The following GSTA3 variants were observed in gnomAD, a reference collection of about 807,000 sequenced individuals.
The protein encoded by GSTA3 is glutathione S-transferase A3.
In GSTA3, 16 loss-of-function variants were observed where a neutral mutation model predicts 23.1. That is an observed-to-expected ratio of 0.69 (90% CI 0.47 to 1.05). GSTA3 has a LOEUF of 1.05. Ranked by LOEUF, GSTA3 falls within the 50% of genes least tolerant of loss-of-function variation. GSTA3 has a pLI of 0.00. For synonymous variants in GSTA3, 122 were observed against 91.0 expected, an observed-to-expected ratio of 1.34 and a Z score of -1.94; for missense variants, 319 against 263.6, an observed-to-expected ratio of 1.21 and a Z score of -1.46.
At chr6:52,902,033 C>T (rs1765702495) in intron 4 of GSTA3, among the ~76,000 whole-genome samples, 1 of 152,228 alleles carries the variant, frequency 6.6e-6, no homozygotes, top group Admixed American at 6.5e-5. Context: ...GGAGTCCAGC[C>T]TCTGAAGGCT....
chr6:52,898,122 ATG>A (rs1385522978), intron 5 of GSTA3, among the ~76,000 whole-genome samples, 166 bp from the exon 6 acceptor site: 2 of 152,178 alleles, frequency 1.3e-5, no homozygotes, highest in African/African-American at 4.8e-5. Context: ...GGGAGCAAGA[ATG>A]TGGCTCTGCT....
intron 3 of GSTA3, 90 bp from the exon 4 acceptor site, chr6:52,902,568 A>G: frequency 7.6e-7 from 1 of 1,320,934 alleles, no homozygotes; most frequent in Non-Finnish European, 1.0e-6. Flanking sequence ...GACTGAGGTT[A>G]TAAAATGAAA....
chr6:52,906,689 C>A (rs888968672), intron 1 of GSTA3, among the ~76,000 whole-genome samples: 2 of 151,602 alleles, frequency 1.3e-5, no homozygotes, highest in African/African-American at 4.9e-5. Context: ...CTTTGACAAA[C>A]CTGACAAAAA....
At position 52,897,888 on chromosome 6, in the gene GSTA3, C is replaced by T. The variant is rs368825997; in HGVS notation, c.483G>A (p.Val161=). ...NKLSRADISL[V]ELLYYVEELD... ...GCTCTTCCACATAGTAGAGAAGTTCCACCAGGCTAATGTCAGCCCGGCTCA... is the reference window on the plus strand; with the variant it reads ...GCTCTTCCACATAGTAGAGAAGTTCTACCAGGCTAATGTCAGCCCGGCTCA... The change falls in exon 6 of 7, where the codon GTG becomes GTA. Residue 161 remains valine, a synonymous_variant. Coordinates refer to ENST00000211122, the MANE Select transcript of GSTA3 (RefSeq NM_000847.5). The T allele has an allele frequency of 3.7e-6, 6 of 1,613,802 alleles. No homozygotes were observed. The African/African-American group carries it at 6.7e-5, about 18-fold the overall frequency.
chr6:52,906,932 G>A (rs943223647), intron 1 of GSTA3, among the ~76,000 whole-genome samples: 1 of 150,052 alleles, frequency 6.7e-6, no homozygotes, highest in East Asian at 2.0e-4. Context: ...AACACCAAAA[G>A]CAATGGCAAC....
At chr6:52,903,345 T>G (rs1048980823) in intron 3 of GSTA3, among the ~76,000 whole-genome samples, 5 of 149,698 alleles carry the variant, frequency 3.3e-5, no homozygotes, top group Non-Finnish European at 7.4e-5. Context: ...CCCAGCACTT[T>G]GGGAGGCCGA....
At chr6:52,899,902 A>T (rs1765606639) in intron 5 of GSTA3, 32 bp downstream of exon 5, 2 of 1,611,470 alleles carry the variant, frequency 1.2e-6, no homozygotes, top group African/African-American at 2.7e-5. Context: ...CTCTAAACTC[A>T]GTGCCCCAAA....
At chr6:52,900,269 T>C (rs541077913) in intron 4 of GSTA3, among the ~76,000 whole-genome samples, 194 bp from the exon 5 acceptor site, 21 of 150,512 alleles carry the variant, frequency 1.4e-4, no homozygotes, top group East Asian at 3.9e-4. Flanking sequence ...TTTTTCTTTT[T>C]TTTTTTTTTT....
Position 52,897,918 on chromosome 6 carries a change from G to A in GSTA3, c.453C>T (p.Asn151=), listed in dbSNP as rs750761624. The A allele has an allele frequency of 6.2e-7, 1 of 1,614,024 alleles. No individual in the cohort carries two copies. The highest frequency in any genetic ancestry group is 1.1e-5 in the South Asian group (1 of 91,078). The part of the protein sequence containing the change: ...QSHGQDYLVG[N]KLSRADISLV... ...GGCTAATGTCAGCCCGGCTCAGCTT[G>A]TTGCCAACAAGGTAGTCTTGTCCAT... The change falls in exon 6 of 7, where the codon AAC becomes AAT. Residue 151 remains asparagine (N), a synonymous_variant. Coordinates refer to ENST00000211122, the MANE Select transcript of GSTA3 (RefSeq NM_000847.5).
intron 1 of GSTA3, 52 bp from the exon 2 acceptor site, chr6:52,905,907 G>A: frequency 4.7e-6 from 4 of 845,272 alleles, no homozygotes; most frequent in South Asian, 1.4e-5. Context: ...GTCTAGAGAA[G>A]CAAAATGCAC....
intron 1 of GSTA3, among the ~76,000 whole-genome samples, chr6:52,906,852 T>C (rs991550198): frequency 6.6e-6 from 1 of 151,298 alleles, no homozygotes; most frequent in African/African-American, 2.4e-5. Context: ...CCTAAAACCA[T>C]AAAAACCCTA....
intron 5 of GSTA3, among the ~76,000 whole-genome samples, chr6:52,898,440 A>G (rs1765538767): frequency 6.6e-6 from 1 of 152,172 alleles, no homozygotes; most frequent in Middle Eastern, 3.4e-3. Context: ...CTCAACAGCA[A>G]CCTCTAGTGT....
intron 4 of GSTA3, among the ~76,000 whole-genome samples, chr6:52,900,486 C>A (rs10223807): frequency 0.06 from 9,154 of 152,138 alleles, 502 homozygotes; most frequent in African/African-American, 0.15. Context: ...TGGTCTCAAA[C>A]CCCTGACCTC....
At position 52,902,458 on chromosome 6, in the gene GSTA3, G is replaced by A; in HGVS notation, c.160C>T (p.Gln54Ter). 1 of 1,611,090 alleles carries A rather than the reference G, an allele frequency of 6.2e-7. No homozygotes were observed. Residue 54 changes from glutamine (Q) to a stop codon, truncating the protein, a stop_gained, in exon 4 of 7, where the codon CAA becomes TAA. Transcript: ENST00000211122. LOFTEE classifies it high-confidence loss of function. ...LRNDGSLMFQ[Q>*]VPMVEIDGMK... The stretch of plus-strand genomic sequence containing the variant: ...CCATCAATCTCAACCATTGGTACTT[G>A]CTGGAACATCAAACTCCCATCTTTA...
At chr6:52,908,390 C>A (rs116442971) in intron 1 of GSTA3, among the ~76,000 whole-genome samples, 1 of 152,054 alleles carries the variant, frequency 6.6e-6, no homozygotes, top group South Asian at 2.1e-4. Context: ...TGTCCCACAC[C>A]TGTAGTCCCA....
In GSTA3 at chr6:52,908,913, C is replaced by T. The variant is rs535891113; in HGVS notation, c.-22+728G>A. 4.9e-4 allele frequency among the ~76,000 whole-genome samples: 74 copies of T among 151,180 alleles called. 1 individual carries two copies. The highest frequency in any genetic ancestry group is 1.7e-3 in the African/African-American group (69 of 41,114). ...GCTCACCCTTTGGTCCCAGATACTT[C>T]GAACAAGAAGGAGGAGGAGGAAGAA... On this transcript the variant is annotated intron_variant, in intron 1 of 6. Transcript: ENST00000211122.
rs907223516 is a variant in GSTA3 at position 52,905,663 on chromosome 6, T to C, written c.87+85A>G. 4.1e-6 allele frequency: 3 copies of C among 738,126 alleles called. No individual in the cohort carries two copies. The South Asian group carries it at 5.3e-5, about 13-fold the overall frequency. 45.7% of individuals were successfully genotyped at this position (738,126 alleles called of 1,614,324 possible). A position where few individuals can be genotyped will look rare whatever the true frequency, so the allele number is the denominator to read the frequency against. ...TTGAGGCCAAAATATTCACAGGTCA[T>C]CTAGTATGGAAGTCTCTTGGCTTAC... On this transcript the variant is annotated intron_variant, in intron 2 of 6. Coordinates refer to ENST00000211122, the MANE Select transcript of GSTA3 (RefSeq NM_000847.5).
At position 52,905,856 on chromosome 6, in the gene GSTA3, C is replaced by G. The variant is rs911475390; in HGVS notation, c.-21-1G>C. ...CCATGGTAACAGTCTCTTGGTTTCT[C>G]TAAAATGAATGAATGAATGCATGAA... is the stretch of plus-strand genomic sequence containing the variant. On this transcript the variant is annotated splice_acceptor_variant, in intron 1 of 6. Transcript: ENST00000211122. LOFTEE classifies it low-confidence loss of function (5UTR_SPLICE). 2 of 1,447,956 alleles carry G rather than the reference C, an allele frequency of 1.4e-6. No individual in the cohort carries two copies. The highest frequency in any genetic ancestry group is 2.8e-5 in the African/African-American group (2 of 70,928). The allele number at this position is 1,447,956 out of a possible 1,614,324, so 89.7% of individuals were successfully genotyped here.
chr6:52,901,672 A>T (rs1404720854), intron 4 of GSTA3, among the ~76,000 whole-genome samples: 3 of 152,166 alleles, frequency 2.0e-5, no homozygotes, highest in Non-Finnish European at 4.4e-5. Flanking sequence ...GTCATTGGTA[A>T]CTCTACACTA....
Sources: allele counts gnomAD v4.1 joint callset (sites outside exome capture counted in the v4.1 genomes callset), GRCh38; gene constraint gnomAD v4.1.1; transcripts MANE v1.5; gene names NCBI Gene and HGNC (gene_info 2026-07-23, HGNC 2026-07-21).